The following FRMD3 variants were observed in gnomAD, a reference collection of about 807,000 sequenced individuals.
FRMD3 encodes FERM domain containing 3.
A neutral mutation model predicts 70.2 loss-of-function variants in FRMD3; 33 were observed. The ratio of observed to expected loss-of-function variants is 0.47; its 90% CI spans 0.36 to 0.63. The LOEUF is 0.63. Among genes scored for constraint, FRMD3 ranks in the 20% least tolerant of loss-of-function variants. The pLI, the probability that FRMD3 is intolerant of heterozygous loss-of-function variation, is 0.00. For missense variants in FRMD3, 632 were observed against 711.4 expected (o/e 0.89, Z 1.27); for synonymous variants, 279 against 255.9 (o/e 1.09, Z -0.86).
intron 1 of FRMD3, among the ~76,000 whole-genome samples, chr9:83,469,776 G>T (rs952152983): frequency 1.3e-4 from 20 of 152,172 alleles, no homozygotes; most frequent in African/African-American, 3.6e-4. Flanking sequence ...TCAGGTAAAG[G>T]CTCCGTGGTC....
intron 1 of FRMD3, among the ~76,000 whole-genome samples, chr9:83,514,234 A>C (rs993109881): frequency 6.6e-5 from 10 of 152,192 alleles, no homozygotes; most frequent in Admixed American, 2.0e-4. Context: ...CACTGCCAGC[A>C]CAGCAGTCTG....
At chr9:83,407,293 C>T (rs1826131117) in intron 1 of FRMD3, among the ~76,000 whole-genome samples, 1 of 152,156 alleles carries the variant, frequency 6.6e-6, no homozygotes, top group Non-Finnish European at 1.5e-5. Context: ...ATTCATTAAA[C>T]CATAACAAAG....
chr9:83,521,727 G>T (rs760594378), intron 1 of FRMD3, among the ~76,000 whole-genome samples: 23 of 152,190 alleles, frequency 1.5e-4, no homozygotes, highest in Non-Finnish European at 1.8e-4. Flanking sequence ...AGTCTGAGCA[G>T]GTAATGCCAA....
intron 1 of FRMD3, among the ~76,000 whole-genome samples, chr9:83,521,006 G>A (rs746235679): frequency 2.1e-5 from 3 of 142,348 alleles, no homozygotes; most frequent in Non-Finnish European, 4.6e-5. Flanking sequence ...AGGCATGGTT[G>A]TTGGCACCTG....
intron 1 of FRMD3, among the ~76,000 whole-genome samples, chr9:83,400,093 C>A (rs1825911670): frequency 6.6e-6 from 1 of 151,390 alleles, no homozygotes; most frequent in Non-Finnish European, 1.5e-5. Context: ...ATAAAAATTT[C>A]TTTGTCTGCA....
chr9:83,574,691 C>T, the FRMD3 span, among the ~76,000 whole-genome samples: 1 of 152,146 alleles, frequency 6.6e-6, no homozygotes, highest in Non-Finnish European at 1.5e-5. Flanking sequence ...GGCTTTCTCT[C>T]AGATTACACT....
chr9:83,523,581 G>A (rs12345319), intron 1 of FRMD3, among the ~76,000 whole-genome samples: 100 of 152,220 alleles, frequency 6.6e-4, no homozygotes, highest in African/African-American at 2.2e-3. Flanking sequence ...TTGAATAATC[G>A]CATTAAAAGC....
chr9:83,248,476 C>A lies in FRMD3; in HGVS notation c.1236G>T (p.Leu412Phe), dbSNP rs774463395. ...LPKEENISAP[L>F]ISSSPVKAAR... ...CTGCCTTCACTGGGGAGCTGGAGAT[C>A]AAGGGAGCAGAAATGTTCTCCTCTT... The change falls in exon 14 of 14, where the codon TTG becomes TTT. Residue 412 changes from leucine (L) to phenylalanine (F), a missense_variant. Physicochemically the swap from Leu to Phe is conservative, Grantham distance 22. Around this residue, in one of 3 missense-constraint regions of FRMD3, gnomAD observed 418 missense variants for 442.1 expected, o/e 0.95. Transcript: ENST00000304195. 6.2e-7 allele frequency: 1 copy of A among 1,612,758 alleles called. No individual in the cohort carries two copies. Among genetic ancestry groups the A allele is most frequent in the Non-Finnish European group, 8.5e-7 (1 of 1,179,868 alleles).
chr9:83,426,337 T>C (rs1272077629), intron 1 of FRMD3, among the ~76,000 whole-genome samples: 1 of 152,198 alleles, frequency 6.6e-6, no homozygotes, highest in Non-Finnish European at 1.5e-5. Context: ...GTTGAGCATC[T>C]CCTACATGTT....
intron 1 of FRMD3, among the ~76,000 whole-genome samples, chr9:83,438,690 G>A (rs766166118): frequency 4.6e-5 from 7 of 152,164 alleles, no homozygotes; most frequent in Middle Eastern, 3.2e-3. Context: ...GTGAGCCACC[G>A]CATCCAGCAA....
intron 1 of FRMD3, among the ~76,000 whole-genome samples, chr9:83,536,990 G>A (rs1293838028): frequency 6.8e-6 from 1 of 147,794 alleles, no homozygotes; most frequent in Non-Finnish European, 1.5e-5. Flanking sequence ...ACTAGGGTAG[G>A]TGAGAAAGGA....
chr9:83,265,744 G>A (rs2118747364), intron 13 of FRMD3, among the ~76,000 whole-genome samples: 1 of 152,242 alleles, frequency 6.6e-6, no homozygotes, highest in Admixed American at 6.5e-5. Context: ...CCATATCAGG[G>A]TGAGTGATTA....
At position 83,357,274 on chromosome 9, in the gene FRMD3, TATATATATATATATATATATATAA is replaced by T. The variant is rs1564032850; in HGVS notation, c.296-7541_296-7518del. 2.9e-3 allele frequency among the ~76,000 whole-genome samples: 170 copies of T among 58,018 alleles called. 4 individuals carry two copies. The highest frequency in any genetic ancestry group is 5.8e-3 in the Admixed American group (28 of 4,820). The allele number at this position is 58,018 out of a possible 152,430, so 38.1% of individuals were successfully genotyped here. On this transcript the variant is annotated intron_variant, in intron 3 of 13. Transcript: ENST00000304195. ...ATATATATATATATATATATATATATATATATATATATATATATATATAAAACATTTTCTTTATCCACTCATTGA... is the reference window on the plus strand; with the variant it reads ...ATATATATATATATATATATATATATAACATTTTCTTTATCCACTCATTGA...
In FRMD3 at chr9:83,248,426, C is replaced by T. The variant is rs746634200; in HGVS notation, c.1286G>A (p.Ser429Asn). 6.2e-7 allele frequency: 1 copy of T among 1,614,012 alleles called. No individual in the cohort carries two copies. Among genetic ancestry groups the T allele is most frequent in the African/African-American group, 1.3e-5 (1 of 74,898 alleles). ...TTCTTTTATTTTATCTTCCTCTTCA[C>T]TAGGGGGATCTTCATACTCCCGGGC... ...KAAREYEDPPSEEEDKIKEEP... is the reference protein window; with the variant it reads ...KAAREYEDPPNEEEDKIKEEP... Residue 429 changes from serine (S) to asparagine (N), a missense_variant, in exon 14 of 14, where the codon AGT (serine) becomes AAT (asparagine). Transcript: ENST00000304195.
chr9:83,553,788 G>A, the FRMD3 span, among the ~76,000 whole-genome samples: 3 of 152,246 alleles, frequency 2.0e-5, no homozygotes, highest in East Asian at 5.8e-4. Context: ...TCCTTGGGTT[G>A]GGTTTTGTCA....
At chr9:83,314,056 C>T (rs73481849) in intron 6 of FRMD3, among the ~76,000 whole-genome samples, 13,328 of 152,190 alleles carry the variant, frequency 0.088, 697 homozygotes, top group East Asian at 0.23. Context: ...AACCTTAATA[C>T]GAAATAAAAC....
At chr9:83,256,878 C>T (rs1364470840) in intron 13 of FRMD3, among the ~76,000 whole-genome samples, 3 of 152,076 alleles carry the variant, frequency 2.0e-5, no homozygotes, top group African/African-American at 7.2e-5. Flanking sequence ...ATGACAAATG[C>T]TGTCAAGGTT....
intron 12 of FRMD3, chr9:83,297,540 C>T (rs950154930): frequency 4.3e-5 from 13 of 303,308 alleles, no homozygotes; most frequent in East Asian, 4.0e-4. Flanking sequence ...GATTCTGAAA[C>T]AGATGAATGA....
chr9:83,495,960 T>C (rs1183168367), intron 1 of FRMD3, among the ~76,000 whole-genome samples: 1 of 152,212 alleles, frequency 6.6e-6, no homozygotes, highest in Non-Finnish European at 1.5e-5. Flanking sequence ...GAAAGTAAAT[T>C]CTTGAATCTG....
Sources: allele counts gnomAD v4.1 joint callset (sites outside exome capture counted in the v4.1 genomes callset), GRCh38; gene constraint gnomAD v4.1.1; regional missense constraint gnomAD v4.1.1; transcripts MANE v1.5; gene names NCBI Gene and HGNC (gene_info 2026-07-23, HGNC 2026-07-21).